The following ELAPOR1 variants were observed in gnomAD, a reference collection of about 807,000 sequenced individuals.
ELAPOR1 encodes the protein endosome-lysosome associated apoptosis and autophagy regulator 1.
A neutral mutation model predicts 119.7 loss-of-function variants in ELAPOR1; 77 were observed. The observed-to-expected ratio is 0.64, with a 90% CI of 0.54 to 0.78. The LOEUF (loss-of-function observed/expected upper bound fraction) is 0.78. Among genes scored for constraint, ELAPOR1 ranks in the 30% least tolerant of loss-of-function variants. The pLI is 0.00. For missense variants in ELAPOR1, 1,115 were observed against 1,270.4 expected (o/e 0.88, Z 1.86); for synonymous variants, 481 against 487.2 (o/e 0.99, Z 0.17).
At position 109,135,853 on chromosome 1, in the gene ELAPOR1, C is replaced by T. The variant is rs151019157; in HGVS notation, c.153+21517C>T. On this transcript the variant is annotated intron_variant, in intron 1 of 21. Coordinates refer to ENST00000369939, the MANE Select transcript of ELAPOR1 (RefSeq NM_020775.5). Reference sequence around the variant, plus strand: ...CCAGGCCCTGAGCTGGGTGGTGGGACGAGACAGTCTTTGATGTCAAGGATC... The same window carrying T: ...CCAGGCCCTGAGCTGGGTGGTGGGATGAGACAGTCTTTGATGTCAAGGATC... Among the ~76,000 whole-genome samples, 464 of 152,012 alleles carry T rather than the reference C, an allele frequency of 3.1e-3. 2 individuals carry two copies. The highest frequency in any genetic ancestry group is 5.1e-3 in the Non-Finnish European group (346 of 67,986).
intron 20 of ELAPOR1, 73 bp downstream of exon 20, chr1:109,200,310 T>C (rs1294373405): frequency 2.6e-6 from 4 of 1,538,628 alleles, no homozygotes; most frequent in East Asian, 2.3e-5. Context: ...TCTGAAAGTA[T>C]AAATTAATGG....
At chr1:109,168,970 T>C (rs1651761143) in intron 3 of ELAPOR1, among the ~76,000 whole-genome samples, 1 of 152,222 alleles carries the variant, frequency 6.6e-6, no homozygotes, top group Non-Finnish European at 1.5e-5. Flanking sequence ...ATTTTGCAAA[T>C]GTAACCCACT....
chr1:109,194,873 C>T (rs1344188397), intron 15 of ELAPOR1, among the ~76,000 whole-genome samples: 1 of 152,054 alleles, frequency 6.6e-6, no homozygotes, highest in Non-Finnish European at 1.5e-5. Context: ...TTTGGGAGGC[C>T]GAGACGGGCG....
chr1:109,200,957 T>C (rs1394619854), intron 21 of ELAPOR1, 57 bp downstream of exon 21: 2 of 1,544,020 alleles, frequency 1.3e-6, no homozygotes, highest in Middle Eastern at 1.8e-4. Flanking sequence ...GAGACACTGC[T>C]CCTCAGACAC....
At chr1:109,182,333 A>AAATAAT (rs59332839) in intron 7 of ELAPOR1, among the ~76,000 whole-genome samples, 5 of 149,790 alleles carry the variant, frequency 3.3e-5, no homozygotes, top group Admixed American at 1.3e-4. Flanking sequence ...CTGTCTCAAA[A>AAATAAT]AATAATAATA....
chr1:109,147,726 A>G (rs768789442), intron 1 of ELAPOR1, among the ~76,000 whole-genome samples: 21 of 152,102 alleles, frequency 1.4e-4, no homozygotes, highest in African/African-American at 1.9e-4. Context: ...GGAGATCTCC[A>G]TACCTTTTGT....
At chr1:109,128,997 T>C (rs1022166919) in intron 1 of ELAPOR1, among the ~76,000 whole-genome samples, 6 of 152,250 alleles carry the variant, frequency 3.9e-5, no homozygotes, top group Non-Finnish European at 8.8e-5. Context: ...CATTCTGGGA[T>C]ACATTTAAGA....
intron 15 of ELAPOR1, among the ~76,000 whole-genome samples, chr1:109,195,170 T>C (rs985577293): frequency 2.4e-4 from 36 of 151,680 alleles, no homozygotes; most frequent in Admixed American, 3.9e-4. Flanking sequence ...ACCTGACCTT[T>C]ATTTCCTCAA....
At chr1:109,182,246 CTT>C (rs1341172405) in intron 7 of ELAPOR1, among the ~76,000 whole-genome samples, 3 of 152,156 alleles carry the variant, frequency 2.0e-5, no homozygotes, top group East Asian at 1.9e-4. Context: ...AGGAGAATCA[CTT>C]GAACCCGAGA....
At chr1:109,161,311 G>A (rs1651235001) in intron 1 of ELAPOR1, among the ~76,000 whole-genome samples, 1 of 150,864 alleles carries the variant, frequency 6.6e-6, no homozygotes, top group Non-Finnish European at 1.5e-5. Context: ...TCGGGAGGCT[G>A]AGGCAGGAGA....
chr1:109,123,791 A>T (rs947645731), intron 1 of ELAPOR1, among the ~76,000 whole-genome samples: 1 of 152,158 alleles, frequency 6.6e-6, no homozygotes, highest in Non-Finnish European at 1.5e-5. Flanking sequence ...CTCTGTATGT[A>T]TGGATATAAA....
chr1:109,195,433 G>A (rs918776730), intron 15 of ELAPOR1, among the ~76,000 whole-genome samples: 1 of 151,802 alleles, frequency 6.6e-6, no homozygotes, highest in Non-Finnish European at 1.5e-5. Context: ...GGCGGAGCTT[G>A]CAGTGAGCGG....
intron 8 of ELAPOR1, among the ~76,000 whole-genome samples, chr1:109,185,448 C>T (rs1324593306): frequency 2.0e-5 from 3 of 152,192 alleles, no homozygotes; most frequent in South Asian, 4.1e-4. Flanking sequence ...CCTGCCTGTC[C>T]GTACACAATG....
chr1:109,194,398 C>G, intron 14 of ELAPOR1, 23 bp from the exon 15 acceptor site: 2 of 1,609,030 alleles, frequency 1.2e-6, no homozygotes, highest in Non-Finnish European at 8.5e-7. Flanking sequence ...CCAGCTGGCC[C>G]GACCCGTCCC....
intron 1 of ELAPOR1, among the ~76,000 whole-genome samples, chr1:109,154,297 A>G (rs1286265897): frequency 1.3e-5 from 2 of 151,552 alleles, no homozygotes; most frequent in Non-Finnish European, 2.9e-5. Context: ...AAAAAAAAAA[A>G]AAAAAAGAAA....
intron 1 of ELAPOR1, among the ~76,000 whole-genome samples, chr1:109,141,939 A>T (rs552405017): frequency 1.3e-5 from 2 of 152,176 alleles, no homozygotes; most frequent in Admixed American, 1.3e-4. Flanking sequence ...TGCTAGGATT[A>T]TAGGCATGAG....
intron 1 of ELAPOR1, among the ~76,000 whole-genome samples, chr1:109,153,210 G>A (rs1650647097): frequency 6.6e-6 from 1 of 152,062 alleles, no homozygotes; most frequent in Non-Finnish European, 1.5e-5. Context: ...AGTAAAAGTG[G>A]AAGAAAAGAC....
In ELAPOR1 at chr1:109,202,969, T is replaced by A; in HGVS notation, c.2999T>A (p.Val1000Glu). The A allele has an allele frequency of 6.2e-7, 1 of 1,613,860 alleles. No homozygotes were observed. The highest frequency in any genetic ancestry group is 8.5e-7 in the Non-Finnish European group (1 of 1,179,924). The change falls in exon 22 of 22, where the codon GTG becomes GAG. Residue 1000 changes from valine to glutamate, a missense_variant. By Grantham distance (121) the Val-to-Glu change is moderately radical (BLOSUM62 -2). Transcript: ENST00000369939. The part of the protein sequence containing the change: ...SKRTPDGFDS[V>E]PLKTSSGGLD... ...AGGACTCCTGATGGATTTGACTCAG[T>A]GCCGCTGAAGACATCCTCAGGAGGC...
At position 109,198,659 on chromosome 1, in the gene ELAPOR1, G is replaced by A; in HGVS notation, c.2486G>A (p.Ser829Asn). 1.2e-6 allele frequency: 2 copies of A among 1,613,418 alleles called. No homozygotes were observed. Among genetic ancestry groups the A allele is most frequent in the South Asian group, 2.2e-5 (2 of 90,716 alleles). ...AGTCCACAGAAAACTGTCCCTGGAA[G>A]TTTGCTGCTGCCAGGGTAAGCCCTG... ...RCSPQKTVPG[S>N]LLLPGTCSDG... The change falls in exon 18 of 22, where the codon AGT (serine) becomes AAT (asparagine). Residue 829 changes from serine (S) to asparagine (N), a missense_variant. Transcript: ENST00000369939.
Sources: allele counts gnomAD v4.1 joint callset (sites outside exome capture counted in the v4.1 genomes callset), GRCh38; gene constraint gnomAD v4.1.1; transcripts MANE v1.5; gene names NCBI Gene and HGNC (gene_info 2026-07-23, HGNC 2026-07-21).